The following DNAH14 variants were observed in gnomAD, a reference collection of about 807,000 sequenced individuals.
The protein encoded by DNAH14 is axonemal beta dynein heavy chain 14.
Under a neutral mutation model 520.9 loss-of-function variants are expected in DNAH14, and 478 were observed. The ratio of observed to expected loss-of-function variants is 0.92; its 90% CI spans 0.85 to 0.99. DNAH14 has a LOEUF of 0.99. Ranked by LOEUF, DNAH14 falls within the 50% of genes least tolerant of loss-of-function variation. The probability of loss-of-function intolerance (pLI) is 0.00; values close to 1 mark genes in which losing one functional copy is unlikely to be tolerated. For missense variants in DNAH14, 4,831 were observed against 5,234.5 expected, an observed-to-expected ratio of 0.92 and a Z score of 2.38; for synonymous variants, 1,581 against 1,757.2, an observed-to-expected ratio of 0.90 and a Z score of 2.51.
At chr1:225,066,791 C>T (rs1341817600) in intron 17 of DNAH14, among the ~76,000 whole-genome samples, 1 of 152,018 alleles carries the variant, frequency 6.6e-6, no homozygotes, top group Admixed American at 6.6e-5. Context: ...GAATAATGGC[C>T]TCCAGTTCCA....
At chr1:225,115,003 G>A (rs1391657071) in intron 23 of DNAH14, among the ~76,000 whole-genome samples, 3 of 152,196 alleles carry the variant, frequency 2.0e-5, no homozygotes, top group Non-Finnish European at 4.4e-5. Flanking sequence ...TGTTATATCT[G>A]TGGGGAGCAC....
chr1:225,393,762 A>G (rs2095955093), intron 84 of DNAH14, among the ~76,000 whole-genome samples: 1 of 151,618 alleles, frequency 6.6e-6, no homozygotes, highest in African/African-American at 2.4e-5. Flanking sequence ...CGGTATTTTT[A>G]GTGTTTTAGT....
chr1:225,359,113 A>C (rs1488262254), intron 74 of DNAH14, among the ~76,000 whole-genome samples: 2 of 152,218 alleles, frequency 1.3e-5, no homozygotes, highest in South Asian at 2.1e-4. Context: ...TCTGTGTCAG[A>C]TTATTCTGTG....
rs929623635 is a variant in DNAH14, at chr1:225,100,837, C to T, written c.3820C>T (p.Leu1274=). ...CACTTCTGCAGGAGTCCTTGAAATTCTGCAAAATTGTAATATACATCTTGA... is the reference window on the plus strand; with the variant it reads ...CACTTCTGCAGGAGTCCTTGAAATTTTGCAAAATTGTAATATACATCTTGA... ...ITTSAGVLEI[L]QNCNIHLEHI... is the part of the protein sequence containing the mutation. Residue 1274 remains leucine (L), a synonymous_variant, in exon 23 of 86, where the codon CTG becomes TTG. Transcript: ENST00000682510. 9.1e-6 allele frequency: 14 copies of T among 1,530,342 alleles called. No individual in the cohort carries two copies. The African/African-American group carries it at 2.0e-4, about 21-fold the overall frequency. The allele number at this position is 1,530,342 out of a possible 1,614,324, so 94.8% of individuals were successfully genotyped here. A position where few individuals can be genotyped will look rare whatever the true frequency, so the allele number is the denominator to read the frequency against.
chr1:225,360,203 T>A (rs933794013), intron 74 of DNAH14, among the ~76,000 whole-genome samples: 10 of 152,234 alleles, frequency 6.6e-5, no homozygotes, highest in Admixed American at 2.6e-4. Flanking sequence ...TTGCATAGTG[T>A]TCAATGGTAT....
intron 23 of DNAH14, among the ~76,000 whole-genome samples, chr1:225,101,899 T>C (rs1176366464): frequency 6.7e-6 from 1 of 150,274 alleles, no homozygotes; most frequent in East Asian, 2.1e-4. Context: ...TGAATCTTTT[T>C]TTTTTTTAAT....
chr1:225,224,798 C>T (rs1460899113), intron 41 of DNAH14, among the ~76,000 whole-genome samples: 2 of 152,178 alleles, frequency 1.3e-5, no homozygotes, highest in Non-Finnish European at 2.9e-5. Context: ...AGGTTGGAGC[C>T]TTAATATTGG....
chr1:224,964,220 C>A (rs1019431715), intron 4 of DNAH14, among the ~76,000 whole-genome samples: 1 of 152,100 alleles, frequency 6.6e-6, no homozygotes, highest in African/African-American at 2.4e-5. Context: ...TATTCCTAGT[C>A]TCTTCTCTTG....
chr1:225,234,710 T>C (rs1293607705), intron 42 of DNAH14, among the ~76,000 whole-genome samples: 1 of 152,234 alleles, frequency 6.6e-6, no homozygotes, highest in Non-Finnish European at 1.5e-5. Flanking sequence ...TTGTGTCCTC[T>C]CTGATTTCCT....
intron 72 of DNAH14, among the ~76,000 whole-genome samples, chr1:225,353,030 A>C (rs753585801): frequency 6.6e-6 from 1 of 152,082 alleles, no homozygotes; most frequent in Non-Finnish European, 1.5e-5. Flanking sequence ...TTATTTTGCA[A>C]ATAACCCCAA....
At chr1:225,169,851 G>A (rs1005518160) in intron 36 of DNAH14, among the ~76,000 whole-genome samples, 2 of 152,316 alleles carry the variant, frequency 1.3e-5, no homozygotes, top group Admixed American at 6.5e-5. Context: ...AGGAAAAAAT[G>A]TTAAGGGCAG....
intron 17 of DNAH14, among the ~76,000 whole-genome samples, chr1:225,052,126 A>T (rs1035732460): frequency 6.6e-6 from 1 of 152,300 alleles, no homozygotes; most frequent in South Asian, 2.1e-4. Flanking sequence ...TTTGTTGATC[A>T]TCTATTCCAT....
At position 224,967,476 on chromosome 1, in the gene DNAH14, A is replaced by G; in HGVS notation, c.544A>G (p.Lys182Glu). 6.3e-7 allele frequency: 1 copy of G among 1,579,358 alleles called. No individual in the cohort carries two copies. The highest frequency in any genetic ancestry group is 8.6e-7 in the Non-Finnish European group (1 of 1,165,978). Residue 182 changes from lysine to glutamate, a missense_variant, in exon 6 of 86, where the codon AAA becomes GAA. Transcript: ENST00000682510. ...AGAATTTGTTTATTGCCTTCCTCGG[A>G]AAAGTCCTAAATCCCTTTACAATCC... ...DGEFVYCLPR[K>E]SPKSLYNPYD...
At chr1:225,356,407 A>G (rs190001666) in intron 73 of DNAH14, among the ~76,000 whole-genome samples, 225 of 152,170 alleles carry the variant, frequency 1.5e-3, no homozygotes, top group Non-Finnish European at 2.8e-3. Context: ...GCCATTTGTC[A>G]TCATATTTGC....
At position 225,346,118 on chromosome 1, in the gene DNAH14, T is replaced by C; in HGVS notation, c.10835T>C (p.Leu3612Pro). ...CTCCCCATTGCGACCCGAGGCGCCC[T>C]GCTCTACTTCCTAGTAGCTGATCTC... ...NYLPIATRGA[L>P]LYFLVADLTQ... Residue 3612 changes from leucine to proline, a missense_variant, in exon 70 of 86, where the codon CTG (leucine) becomes CCG (proline). By Grantham distance (98) the Leu-to-Pro change is moderately conservative. Transcript: ENST00000682510. The C allele has an allele frequency of 6.4e-7, 1 of 1,551,742 alleles. No individual in the cohort carries two copies.
chr1:225,135,635 A>G (rs904619306), intron 27 of DNAH14, among the ~76,000 whole-genome samples: 2 of 152,140 alleles, frequency 1.3e-5, no homozygotes, highest in African/African-American at 4.8e-5. Context: ...AAGAGTCTAT[A>G]TTCTGCTGTT....
intron 23 of DNAH14, among the ~76,000 whole-genome samples, chr1:225,102,389 C>A (rs1573086161): frequency 6.6e-6 from 1 of 152,210 alleles, no homozygotes; most frequent in East Asian, 1.9e-4. Context: ...GATTTATAAT[C>A]CTTTGGGTAT....
intron 35 of DNAH14, among the ~76,000 whole-genome samples, chr1:225,165,567 T>C (rs1274519773): frequency 6.7e-6 from 1 of 149,560 alleles, no homozygotes; most frequent in Non-Finnish European, 1.5e-5. Flanking sequence ...TTTTACTTGT[T>C]TGTTTGGTTG....
chr1:225,070,368 C>G (rs1221356165), intron 17 of DNAH14, among the ~76,000 whole-genome samples: 3 of 152,160 alleles, frequency 2.0e-5, no homozygotes, highest in Non-Finnish European at 2.9e-5. Context: ...CCTCTTAATA[C>G]TGCCTTAGCT....
Sources: gnomAD v4.1 joint callset for allele counts (sites outside exome capture counted in the v4.1 genomes callset) on GRCh38, gnomAD v4.1.1 for gene constraint, MANE v1.5 for transcripts, NCBI Gene and HGNC (gene_info 2026-07-23, HGNC 2026-07-21) for gene names.